TRIB3: variants seen among roughly 807,000 people sequenced by gnomAD.
TRIB3 encodes the protein tribbles homolog 3.
TRIB3 carries 20 observed loss-of-function variants against 16.6 expected under a neutral mutation model. The observed-to-expected ratio is 1.20, with a 90% CI of 0.85 to 1.75. The LOEUF is 1.75. TRIB3 is among the 40% of genes most tolerant of loss of function. The pLI is 0.00. For synonymous variants in TRIB3, 208 were observed against 217.0 expected, an observed-to-expected ratio of 0.96 and a Z score of 0.36; for missense variants, 484 against 488.9, an observed-to-expected ratio of 0.99 and a Z score of 0.10.
At chr20:387,446 A>G (rs2014848814) in intron 1 of TRIB3, among the ~76,000 whole-genome samples, 1 of 151,892 alleles carries the variant, frequency 6.6e-6, no homozygotes. Flanking sequence ...ATAAAAGTAT[A>G]GCCAGGTGTG....
chr20:396,557 T>G lies in TRIB3; in HGVS notation c.944T>G (p.Leu315Arg). The change falls in exon 4 of 4, where the codon CTG becomes CGG. Residue 315 changes from leucine (L) to arginine (R), a missense_variant. Coordinates refer to ENST00000217233, the MANE Select transcript of TRIB3 (RefSeq NM_021158.5). ...ACAGGCATCCTCCTGCACCCCTGGC[T>G]GCGACAGGACCCGATGCCCTTAGCC... ...TATGILLHPWLRQDPMPLAPT... is the reference protein window; with the variant it reads ...TATGILLHPWRRQDPMPLAPT... 1.2e-6 allele frequency: 2 copies of G among 1,613,150 alleles called. No homozygotes were observed. The highest frequency in any genetic ancestry group is 1.7e-4 in the Middle Eastern group (1 of 6,060).
chr20:388,052 C>T lies in TRIB3; in HGVS notation c.42C>T (p.Ser14=). 6.2e-7 allele frequency: 1 copy of T among 1,614,102 alleles called. No individual in the cohort carries two copies. Among genetic ancestry groups the T allele is most frequent in the Non-Finnish European group, 8.5e-7 (1 of 1,180,012 alleles). The change falls in exon 2 of 4, where the codon TCC becomes TCT. Residue 14 remains serine (S), a synonymous_variant. Transcript: ENST00000217233. ...TPLAAPAGSL[S]RKKRLELDDN... ...TGGCTGCTCCTGCGGGTTCCCTGTC[C>T]AGGAAGAAGCGGTTGGAGTTGGATG... is the stretch of plus-strand genomic sequence containing the variant.
chr20:381,495 T>C (rs2014645334), intron 1 of TRIB3: 1 of 151,758 alleles, frequency 6.6e-6, no homozygotes, highest in Admixed American at 6.5e-5. Context: ...CGGGGGTCTG[T>C]TTTGCGTGAG....
intron 1 of TRIB3, among the ~76,000 whole-genome samples, chr20:383,360 C>T (rs1378741564): frequency 6.6e-6 from 1 of 152,200 alleles, no homozygotes; most frequent in Non-Finnish European, 1.5e-5. Context: ...TGCATGCTTA[C>T]ACACACACAC....
In TRIB3 at chr20:388,244, G is replaced by A; in HGVS notation, c.234G>A (p.Glu78=). The A allele has an allele frequency of 6.2e-7, 1 of 1,613,484 alleles. No homozygotes were observed. The highest frequency in any genetic ancestry group is 2.2e-5 in the East Asian group (1 of 44,876). ...LGPYVLLEPE[E]GGRAYQALHC... ...CCTATGTCCTCCTGGAGCCCGAGGAGGGCGGGCGGGCCTACCAGGCCCTGC... is the reference window on the plus strand; with the variant it reads ...CCTATGTCCTCCTGGAGCCCGAGGAAGGCGGGCGGGCCTACCAGGCCCTGC... The change falls in exon 2 of 4, where the codon GAG becomes GAA. Residue 78 remains glutamate (E), a synonymous_variant. Coordinates refer to ENST00000217233, the MANE Select transcript of TRIB3 (RefSeq NM_021158.5).
rs147404126 is a variant in TRIB3 at position 396,448 on chromosome 20, G to A, written c.835G>A (p.Ala279Thr). The A allele has an allele frequency of 9.6e-5, 155 of 1,612,736 alleles. No homozygotes were observed. In the African/African-American group the frequency reaches 1.7e-3, roughly 18 times the overall value. Residue 279 changes from alanine to threonine, a missense_variant, in exon 4 of 4, where the codon GCC (alanine) becomes ACC (threonine). By Grantham distance (58) the Ala-to-Thr change is moderately conservative (BLOSUM62 0). Coordinates refer to ENST00000217233, the MANE Select transcript of TRIB3 (RefSeq NM_021158.5). ...CGGCAAGATCCGCCGCGGGGCCTAC[G>A]CCTTGCCTGCAGGCCTCTCGGCCCC... is the stretch of plus-strand genomic sequence containing the variant. Reference protein sequence around the residue: ...LFGKIRRGAYALPAGLSAPAR... With the variant: ...LFGKIRRGAYTLPAGLSAPAR...
chr20:390,715 C>T (rs982594539), intron 2 of TRIB3, among the ~76,000 whole-genome samples: 1 of 152,050 alleles, frequency 6.6e-6, no homozygotes, highest in African/African-American at 2.4e-5. Flanking sequence ...AGAGCACAGA[C>T]AAAAGGCCGG....
chr20:397,088 C>T lies in TRIB3; in HGVS notation c.*398C>T, dbSNP rs578166429. 1 of 180,334 alleles carries T rather than the reference C, an allele frequency of 5.5e-6. No individual in the cohort carries two copies. Among genetic ancestry groups the T allele is most frequent in the Non-Finnish European group, 1.2e-5 (1 of 85,882 alleles). The allele number at this position is 180,334 out of a possible 1,614,324, so 11.2% of individuals were successfully genotyped here. A position where few individuals can be genotyped will look rare whatever the true frequency, so the allele number is the denominator to read the frequency against. ...TCAGGCACCTCTGTCCAAGGACAAT[C>T]CCTTTCACAAACAAACCAGCTGCCT... is the stretch of plus-strand genomic sequence containing the variant. On this transcript the variant is annotated 3_prime_UTR_variant, in exon 4 of 4. Coordinates refer to ENST00000217233, the MANE Select transcript of TRIB3 (RefSeq NM_021158.5).
At chr20:395,821 C>T (rs2143527) in intron 3 of TRIB3, among the ~76,000 whole-genome samples, 2 of 151,936 alleles carry the variant, frequency 1.3e-5, no homozygotes, top group African/African-American at 2.4e-5. Flanking sequence ...TTTTAGGTAG[C>T]GCTTGTGCTG....
At chr20:386,491 C>T (rs912325235) in intron 1 of TRIB3, among the ~76,000 whole-genome samples, 2 of 152,168 alleles carry the variant, frequency 1.3e-5, no homozygotes, top group African/African-American at 4.8e-5. Flanking sequence ...TCATTACAAC[C>T]TCTGCCTCCT....
intron 1 of TRIB3, among the ~76,000 whole-genome samples, chr20:386,633 T>C (rs545711578): frequency 2.0e-5 from 3 of 151,854 alleles, no homozygotes; most frequent in East Asian, 1.9e-4. Flanking sequence ...AGTGCAGTGG[T>C]GTGATCTCAG....
At chr20:391,641 G>A in intron 3 of TRIB3, 62 bp downstream of exon 3, 1 of 1,551,172 alleles carries the variant, frequency 6.4e-7, no homozygotes, top group Non-Finnish European at 8.7e-7. Context: ...ATGATGGAGA[G>A]AAACCGAGGC....
intron 1 of TRIB3, chr20:381,479 GGCGTGCGGGGGTCTGTTTTGCGT>G (rs1391020884): frequency 1.3e-4 from 20 of 152,324 alleles, no homozygotes; most frequent in African/African-American, 4.8e-4. Context: ...CCTAGAGGAG[GGCGTGCGGGGGTCTGTTTTGCGT>G]GAGTGCGGGA....
chr20:391,124 T>G (rs959719031), intron 2 of TRIB3, among the ~76,000 whole-genome samples, 163 bp from the exon 3 acceptor site: 43 of 151,728 alleles, frequency 2.8e-4, no homozygotes, highest in African/African-American at 1.0e-3. Flanking sequence ...CAAGTCATCC[T>G]ACCTTATAGG....
chr20:382,102 T>G (rs2014673591), intron 1 of TRIB3, among the ~76,000 whole-genome samples: 1 of 89,622 alleles, frequency 1.1e-5, no homozygotes, highest in African/African-American at 4.6e-5. Flanking sequence ...GGGAGGGCTG[T>G]GTGTGTGTGT....
At chr20:390,203 C>A (rs957811826) in intron 2 of TRIB3, among the ~76,000 whole-genome samples, 2 of 152,036 alleles carry the variant, frequency 1.3e-5, no homozygotes, top group African/African-American at 4.8e-5. Context: ...TGGCAGGGGC[C>A]TGTAATCCCA....
intron 1 of TRIB3, among the ~76,000 whole-genome samples, chr20:384,174 G>A (rs2014734099): frequency 6.6e-6 from 1 of 152,018 alleles, no homozygotes. Context: ...GGGCCTCCTA[G>A]CTAGTCTCAC....
chr20:382,918 G>A (rs1426211991), intron 1 of TRIB3, among the ~76,000 whole-genome samples: 1 of 152,248 alleles, frequency 6.6e-6, no homozygotes, highest in East Asian at 1.9e-4. Context: ...CGTACTTGGA[G>A]AGGTGGGCCT....
At chr20:394,848 G>A (rs762709089) in intron 3 of TRIB3, among the ~76,000 whole-genome samples, 20 of 151,874 alleles carry the variant, frequency 1.3e-4, no homozygotes, top group Non-Finnish European at 2.6e-4. Flanking sequence ...AAGAGGGACC[G>A]TGAGTTAGAT....
Sources: allele counts gnomAD v4.1 joint callset (sites outside exome capture counted in the v4.1 genomes callset), GRCh38; gene constraint gnomAD v4.1.1; transcripts MANE v1.5; gene names NCBI Gene and HGNC (gene_info 2026-07-23, HGNC 2026-07-21).